The following PHF21B variants were observed in gnomAD, a reference collection of about 807,000 sequenced individuals.
The protein encoded by PHF21B is PHD finger protein 21B, also known as PHD finger protein 4.
Under a neutral mutation model 62.2 loss-of-function variants are expected in PHF21B, and 22 were observed. The ratio of observed to expected loss-of-function variants is 0.35; its 90% CI spans 0.25 to 0.51. The LOEUF (loss-of-function observed/expected upper bound fraction) is 0.51. Among genes scored for constraint, PHF21B ranks in the 20% least tolerant of loss-of-function variants. PHF21B has a pLI of 0.97. For missense variants in PHF21B, 701 were observed against 707.9 expected, an observed-to-expected ratio of 0.99 and a Z score of 0.11; for synonymous variants, 341 against 314.7, an observed-to-expected ratio of 1.08 and a Z score of -0.88.
intron 5 of PHF21B, 87 bp from the exon 6 acceptor site, chr22:44,896,170 G>T: frequency 6.9e-7 from 1 of 1,457,278 alleles, no homozygotes. Flanking sequence ...GGCAGGTGCA[G>T]GGCGATACCT....
At chr22:44,978,412 T>G (rs2072778029) in intron 2 of PHF21B, among the ~76,000 whole-genome samples, 1 of 152,192 alleles carries the variant, frequency 6.6e-6, no homozygotes, top group Non-Finnish European at 1.5e-5. Context: ...CAGGCTGGAG[T>G]GCAGTGGCGC....
chr22:44,930,902 C>G (rs1457785176), intron 2 of PHF21B, among the ~76,000 whole-genome samples: 1 of 152,210 alleles, frequency 6.6e-6, no homozygotes, highest in Non-Finnish European at 1.5e-5. Flanking sequence ...CAGCCCTTCC[C>G]CATCCTGAAT....
intron 2 of PHF21B, among the ~76,000 whole-genome samples, chr22:44,932,625 C>T (rs1302929990): frequency 6.6e-6 from 1 of 152,270 alleles, no homozygotes; most frequent in Admixed American, 6.5e-5. Context: ...TCCCCACCTC[C>T]GACGGCCTGG....
intron 4 of PHF21B, among the ~76,000 whole-genome samples, chr22:44,915,767 C>G (rs1378484254): frequency 6.6e-6 from 1 of 152,198 alleles, no homozygotes; most frequent in Non-Finnish European, 1.5e-5. Flanking sequence ...CCTCAAACAG[C>G]ACAACCACCA....
At position 44,891,286 on chromosome 22, in the gene PHF21B, G is replaced by A. The variant is rs1170654803; in HGVS notation, c.1015+20C>T. ...GCGGCCCTGAGCAGCTCTGGCAGAA[G>A]GCCTGAAGCCGGTGCTTACCTCTCG... On this transcript the variant is annotated intron_variant, in intron 8 of 12. Coordinates refer to ENST00000313237, the MANE Select transcript of PHF21B (RefSeq NM_138415.5). 2 of 1,613,272 alleles carry A rather than the reference G, an allele frequency of 1.2e-6. No individual in the cohort carries two copies. Among genetic ancestry groups the A allele is most frequent in the Admixed American group, 3.3e-5 (2 of 59,936 alleles).
intron 2 of PHF21B, chr22:45,000,705 GGTC>G (rs1405678407): frequency 2.6e-5 from 4 of 152,134 alleles, no homozygotes; most frequent in Non-Finnish European, 5.9e-5. Flanking sequence ...TCAGCATAGT[GGTC>G]GTCAACCTTT....
At chr22:44,940,660 C>T (rs575906870) in intron 2 of PHF21B, among the ~76,000 whole-genome samples, 2 of 152,286 alleles carry the variant, frequency 1.3e-5, no homozygotes, top group African/African-American at 2.4e-5. Flanking sequence ...ATAAAAATAA[C>T]TGGGAGGGAG....
chr22:44,894,440 G>C (rs1395062973), intron 6 of PHF21B, among the ~76,000 whole-genome samples: 1 of 152,166 alleles, frequency 6.6e-6, no homozygotes. Context: ...ACTCCGGCCA[G>C]TGCACAGGCG....
At chr22:44,992,552 GGT>G (rs2147508114) in intron 2 of PHF21B, among the ~76,000 whole-genome samples, 1 of 152,378 alleles carries the variant, frequency 6.6e-6, no homozygotes, top group African/African-American at 2.4e-5. Flanking sequence ...GCGGAGGCGA[GGT>G]GTGTCTTCCA....
intron 12 of PHF21B, among the ~76,000 whole-genome samples, chr22:44,884,612 A>C (rs1459584509): frequency 1.4e-5 from 2 of 138,636 alleles, no homozygotes; most frequent in African/African-American, 2.8e-5. Context: ...CCATCACCAT[A>C]ATCACCACCA....
intron 2 of PHF21B, among the ~76,000 whole-genome samples, chr22:44,987,711 G>T (rs1444606652): frequency 6.6e-6 from 1 of 151,886 alleles, no homozygotes; most frequent in Non-Finnish European, 1.5e-5. Flanking sequence ...CTTGAGGGCA[G>T]GCATTGAGGT....
intron 2 of PHF21B, among the ~76,000 whole-genome samples, chr22:44,955,648 C>A (rs1206608136): frequency 6.6e-6 from 1 of 152,182 alleles, no homozygotes; most frequent in Non-Finnish European, 1.5e-5. Flanking sequence ...GGTCCCCAGG[C>A]CTTCAGACTC....
intron 2 of PHF21B, among the ~76,000 whole-genome samples, chr22:44,988,273 C>T (rs1202294066): frequency 6.6e-6 from 1 of 152,096 alleles, no homozygotes; most frequent in South Asian, 2.1e-4. Context: ...AAGATCATGA[C>T]CTGGGCATCA....
In PHF21B at chr22:44,980,779, T is replaced by C. The variant is rs938936806; in HGVS notation, c.120+27766A>G. ...CCTTGAAAACAAGGCCAGGGTCCTC[T>C]GCCCGCCCCAGGAAGCCGAGCCCCT... On this transcript the variant is annotated intron_variant, in intron 2 of 12. Transcript: ENST00000313237. Among the ~76,000 whole-genome samples, 5 of 152,288 alleles carry C rather than the reference T, an allele frequency of 3.3e-5. No individual in the cohort carries two copies. In the South Asian group the frequency reaches 8.3e-4, roughly 25 times the overall value.
At chr22:44,960,826 C>T (rs1216532793) in intron 2 of PHF21B, among the ~76,000 whole-genome samples, 72 of 152,128 alleles carry the variant, frequency 4.7e-4, no homozygotes, top group Admixed American at 4.7e-3. Context: ...CAAACTGATG[C>T]ATCAGCCTTT....
intron 5 of PHF21B, among the ~76,000 whole-genome samples, chr22:44,900,928 C>T (rs2071148327): frequency 6.6e-6 from 1 of 152,170 alleles, no homozygotes; most frequent in South Asian, 2.1e-4. Context: ...TGTGTCCTTT[C>T]AAGATGCAGA....
chr22:45,008,769 G>GGCAGTGCCGC (rs1339393947), intron 1 of PHF21B, 159 bp from the exon 2 acceptor site: 1 of 1,152,298 alleles, frequency 8.7e-7, no homozygotes, highest in Non-Finnish European at 1.1e-6. Flanking sequence ...GCGGCGGCCG[G>GGCAGTGCCGC]GCAGTGCCGC....
At chr22:44,993,933 T>C (rs1051500624) in intron 2 of PHF21B, among the ~76,000 whole-genome samples, 3 of 152,200 alleles carry the variant, frequency 2.0e-5, no homozygotes, top group Non-Finnish European at 4.4e-5. Context: ...TTTTCTGAGA[T>C]GGTCCTGATT....
At position 44,916,426 on chromosome 22, in the gene PHF21B, C is replaced by G. The variant is rs114948338; in HGVS notation, c.418G>C (p.Ala140Pro). 2 of 1,597,088 alleles carry G rather than the reference C, an allele frequency of 1.3e-6. No homozygotes were observed. The highest frequency in any genetic ancestry group is 1.7e-6 in the Non-Finnish European group (2 of 1,176,048). Residue 140 changes from alanine (A) to proline (P), a missense_variant, in exon 4 of 13, where the codon GCC (alanine) becomes CCC (proline). Ala to Pro is a conservative substitution (Grantham distance 27). Transcript: ENST00000313237. ...PQALAEPAAL[A>P]SPLSSAGVAY... Reference sequence around the variant, plus strand: ...ACCCCCGCACTGCTCAGCGGAGAGGCGAGGGCGGCGGGCTCGGCGAGGGCC... The same window carrying G: ...ACCCCCGCACTGCTCAGCGGAGAGGGGAGGGCGGCGGGCTCGGCGAGGGCC...
Sources: gnomAD v4.1 joint callset for allele counts (sites outside exome capture counted in the v4.1 genomes callset) on GRCh38, gnomAD v4.1.1 for gene constraint, MANE v1.5 for transcripts, NCBI Gene and HGNC (gene_info 2026-07-23, HGNC 2026-07-21) for gene names.